The following BRAF variants were observed in gnomAD, a reference collection of about 807,000 sequenced individuals.
The protein encoded by BRAF is B-Raf proto-oncogene, serine/threonine kinase, also known as serine/threonine-protein kinase B-raf.
BRAF carries 16 observed loss-of-function variants against 104.6 expected under a neutral mutation model. The ratio of observed to expected loss-of-function variants is 0.15; its 90% confidence interval spans 0.10 to 0.23. BRAF has a LOEUF of 0.23. Ranked by LOEUF, BRAF falls within the 10% of genes least tolerant of loss-of-function variation. BRAF has a pLI of 1.00. For missense variants in BRAF, 541 were observed against 937.3 expected, an observed-to-expected ratio of 0.58 and a Z score of 5.52; for synonymous variants, 310 against 341.6, an observed-to-expected ratio of 0.91 and a Z score of 1.02.
At chr7:140,841,095 C>T (rs1807913088) in intron 2 of BRAF, among the ~76,000 whole-genome samples, 3 of 151,822 alleles carry the variant, frequency 2.0e-5, no homozygotes, top group Admixed American at 2.0e-4. Context: ...GACATTTCTC[C>T]AAAGAAGATA....
rs1239045029 is a variant in BRAF, at chr7:140,783,151, G to T, written c.1304C>A (p.Thr435Asn). The change falls in exon 11 of 20, where the codon ACC becomes AAC. Residue 435 changes from threonine (T) to asparagine (N), a missense_variant. Around this residue, in one of 10 missense-constraint regions of BRAF, gnomAD observed 109 missense variants for 143.9 expected, o/e 0.76. Coordinates refer to ENST00000644969, the MANE Select transcript of BRAF (RefSeq NM_001374258.1). The stretch of plus-strand genomic sequence containing the variant: ...AGGGGGGGTAGCAGACAAACCTGTG[G>T]TTGATCCTAAATTAGTGAAAAGAAA... Reference protein sequence around the residue: ...FEPGPVFRGSTTGLSATPPAS... With the variant: ...FEPGPVFRGSNTGLSATPPAS... 6.2e-7 allele frequency: 1 copy of T among 1,613,984 alleles called. No homozygotes were observed. Among genetic ancestry groups the T allele is most frequent in the East Asian group, 2.2e-5 (1 of 44,860 alleles).
intron 14 of BRAF, among the ~76,000 whole-genome samples, chr7:140,758,602 G>A (rs1037152550): frequency 1.3e-5 from 2 of 151,842 alleles, no homozygotes; most frequent in African/African-American, 2.4e-5. Context: ...CTACAGGTGG[G>A]CGCCACCATG....
In BRAF at chr7:140,725,215, T is replaced by C; in HGVS notation, c.*1279A>G. The C allele has an allele frequency of 2.9e-6, 3 of 1,044,004 alleles. No individual in the cohort carries two copies. The East Asian group carries it at 1.7e-4, about 59-fold the overall frequency. 64.7% of individuals were successfully genotyped at this position (1,044,004 alleles called of 1,614,324 possible). A position where few individuals can be genotyped will look rare whatever the true frequency, so the allele number is the denominator to read the frequency against. ...ACTAGAAAGAAGATGTGGGATATAG[T>C]GTTAGGAATCAGTTGGAAGAAACAA... On this transcript the variant is annotated 3_prime_UTR_variant, in exon 20 of 20. Transcript: ENST00000644969.
intron 8 of BRAF, 138 bp downstream of exon 8, chr7:140,794,170 T>G (rs190532077): frequency 5.7e-6 from 6 of 1,052,266 alleles, no homozygotes; most frequent in Non-Finnish European, 8.3e-6. Flanking sequence ...TGATTTGTGA[T>G]TCACAAGAAG....
intron 19 of BRAF, chr7:140,731,770 T>C (rs1338967503): frequency 6.6e-6 from 1 of 152,210 alleles, no homozygotes; most frequent in African/African-American, 2.4e-5. Context: ...CCTGTGATCC[T>C]GAAACTATTT....
intron 1 of BRAF, among the ~76,000 whole-genome samples, chr7:140,876,748 G>C (rs369294333): frequency 1.3e-5 from 2 of 152,118 alleles, no homozygotes; most frequent in Admixed American, 1.3e-4. Flanking sequence ...CTAGTAGACA[G>C]AAAATCAGTA....
chr7:140,744,975 A>T (rs537669136), intron 17 of BRAF, among the ~76,000 whole-genome samples: 2 of 152,266 alleles, frequency 1.3e-5, no homozygotes, highest in African/African-American at 2.4e-5. Context: ...AACTTAGGTA[A>T]TCAATAAAAG....
At chr7:140,801,712 G>C in intron 5 of BRAF, 152 bp from the exon 6 acceptor site, 6 of 891,694 alleles carry the variant, frequency 6.7e-6, no homozygotes, top group Non-Finnish European at 1.0e-5. Context: ...ATGAAAACCG[G>C]GGGTTCAAGA....
At chr7:140,866,533 G>A (rs1810981394) in intron 1 of BRAF, among the ~76,000 whole-genome samples, 1 of 152,152 alleles carries the variant, frequency 6.6e-6, no homozygotes, top group Non-Finnish European at 1.5e-5. Flanking sequence ...GTTTATAAGT[G>A]CTGGCTATAT....
At position 140,719,657 on chromosome 7, in the gene BRAF, T is replaced by A. The variant is rs1327338209; in HGVS notation, c.*6837A>T. 1 of 1,061,902 alleles carries A rather than the reference T, an allele frequency of 9.4e-7. No homozygotes were observed. Among genetic ancestry groups the A allele is most frequent in the Non-Finnish European group, 1.1e-6 (1 of 876,658 alleles). 65.8% of individuals were successfully genotyped at this position (1,061,902 alleles called of 1,614,324 possible). ...AAAAGATTCAAGCAAACATTGAGAA[T>A]AGGGGAAAAGAGGGAGACATCATCC... On this transcript the variant is annotated 3_prime_UTR_variant, in exon 20 of 20. Transcript: ENST00000644969.
At chr7:140,719,263 A>C (rs1379924280), downstream of BRAF, 12 of 694,604 alleles carry the variant, frequency 1.7e-5, no homozygotes, top group Non-Finnish European at 2.1e-5. Context: ...TTGTCTAGAA[A>C]AACTGTTAAA....
chr7:140,870,697 A>G (rs1386069435), intron 1 of BRAF, among the ~76,000 whole-genome samples: 1 of 151,940 alleles, frequency 6.6e-6, no homozygotes, highest in African/African-American at 2.4e-5. Context: ...TTTCCTGAAC[A>G]CTAAAGCAAA....
chr7:140,733,917 A>G (rs1480780093), intron 19 of BRAF: 4 of 810,446 alleles, frequency 4.9e-6, no homozygotes, highest in East Asian at 8.2e-5. Context: ...ACTCCAATTT[A>G]TAACATTTTC....
intron 8 of BRAF, among the ~76,000 whole-genome samples, chr7:140,788,433 A>G (rs1021581251): frequency 6.6e-6 from 1 of 152,230 alleles, no homozygotes; most frequent in Non-Finnish European, 1.5e-5. Context: ...TTATGCAGCT[A>G]CCAAAATAAT....
At chr7:140,879,568 AAAG>A (rs1812644189) in intron 1 of BRAF, among the ~76,000 whole-genome samples, 1 of 151,446 alleles carries the variant, frequency 6.6e-6, no homozygotes, top group African/African-American at 2.4e-5. Context: ...AAAAAAAAAA[AAAG>A]CACATATCTT....
At chr7:140,846,833 T>C (rs1482823238) in intron 2 of BRAF, among the ~76,000 whole-genome samples, 1 of 152,126 alleles carries the variant, frequency 6.6e-6, no homozygotes, top group Non-Finnish European at 1.5e-5. Flanking sequence ...TCTTTTCTCT[T>C]GGGCTGGTTA....
the BRAF span, among the ~76,000 whole-genome samples, chr7:140,713,720 T>C: frequency 6.6e-6 from 1 of 152,214 alleles, no homozygotes. Context: ...TGCTCTGTTT[T>C]TTCCCCATCT....
intron 5 of BRAF, among the ~76,000 whole-genome samples, chr7:140,806,613 A>G (rs915166661): frequency 6.6e-6 from 1 of 152,184 alleles, no homozygotes; most frequent in Admixed American, 6.6e-5. Flanking sequence ...ATTTCTAGCT[A>G]AGAAGAATTA....
chr7:140,920,848 C>G (rs1818139260), intron 1 of BRAF, among the ~76,000 whole-genome samples: 1 of 152,178 alleles, frequency 6.6e-6, no homozygotes, highest in South Asian at 2.1e-4. Flanking sequence ...ATTTTTGCCA[C>G]AAGGGCACCT....
Sources: allele counts gnomAD v4.1 joint callset (sites outside exome capture counted in the v4.1 genomes callset), GRCh38; gene constraint gnomAD v4.1.1; regional missense constraint gnomAD v4.1.1; transcripts MANE v1.5; gene names NCBI Gene and HGNC (gene_info 2026-07-23, HGNC 2026-07-21).